SCCPDH: variants seen among roughly 807,000 people sequenced by gnomAD.
SCCPDH encodes the protein saccharopine dehydrogenase (putative).
SCCPDH carries 34 observed loss-of-function variants against 51.5 expected under a neutral mutation model. The observed-to-expected ratio is 0.66, with a 90% CI of 0.50 to 0.88. SCCPDH has a LOEUF of 0.88. SCCPDH is among the 40% of genes least tolerant of loss of function. The pLI is 0.00. For missense variants in SCCPDH, 464 were observed against 527.1 expected (o/e 0.88, Z 1.17); for synonymous variants, 187 against 191.3 (o/e 0.98, Z 0.19).
intron 1 of SCCPDH, 61 bp downstream of exon 1, chr1:246,724,673 C>A: frequency 7.3e-7 from 1 of 1,372,990 alleles, no homozygotes; most frequent in Non-Finnish European, 9.4e-7. Context: ...CCGCATCGCC[C>A]CAAACGAGCG....
chr1:246,753,867 A>T lies in SCCPDH; in HGVS notation c.565-4359A>T, dbSNP rs567035489. On this transcript the variant is annotated intron_variant, in intron 5 of 11. Coordinates refer to ENST00000366510, the MANE Select transcript of SCCPDH (RefSeq NM_016002.3). ...GTTCCCAGGAGGCAGGGTTATAAGG[A>T]GGGGGACAATGGGGATAGGAGAAGG... Among the ~76,000 whole-genome samples the T allele has an allele frequency of 4.6e-5, 7 of 152,030 alleles. No homozygotes were observed. The South Asian group carries it at 1.3e-3, about 27-fold the overall frequency.
chr1:246,751,951 TTG>T (rs1015128467), intron 5 of SCCPDH, among the ~76,000 whole-genome samples: 13 of 149,804 alleles, frequency 8.7e-5, no homozygotes, highest in African/African-American at 3.0e-4. Flanking sequence ...TTTTTTTTTT[TTG>T]TATTTTTTTA....
At chr1:246,744,019 C>A in intron 4 of SCCPDH, 57 bp from the exon 5 acceptor site, 1 of 1,031,244 alleles carries the variant, frequency 9.7e-7, no homozygotes, top group Non-Finnish European at 1.5e-6. Flanking sequence ...TATTACTTAC[C>A]CCAAATAATT....
At chr1:246,746,000 C>T (rs1424965827) in intron 5 of SCCPDH, among the ~76,000 whole-genome samples, 1 of 149,752 alleles carries the variant, frequency 6.7e-6, no homozygotes, top group Admixed American at 6.7e-5. Context: ...CCCAGCTACT[C>T]AGGAGGCTGA....
chr1:246,740,158 C>A lies in SCCPDH; in HGVS notation c.385-14C>A. 6.4e-7 allele frequency: 1 copy of A among 1,553,394 alleles called. No individual in the cohort carries two copies. Among genetic ancestry groups the A allele is most frequent in the Non-Finnish European group, 8.8e-7 (1 of 1,140,622 alleles). On this transcript the variant is annotated splice_polypyrimidine_tract_variant and intron_variant, in intron 3 of 11. Coordinates refer to ENST00000366510, the MANE Select transcript of SCCPDH (RefSeq NM_016002.3). ...CTGCATAACTAATTAAAATTCTTAT[C>A]CTGGATTTTTTAGTTTCTGGAACTA...
chr1:246,755,283 C>T (rs373264987), intron 5 of SCCPDH, among the ~76,000 whole-genome samples: 1 of 152,034 alleles, frequency 6.6e-6, no homozygotes, highest in African/African-American at 2.4e-5. Flanking sequence ...TGTTTTGTTT[C>T]GATGTGCATC....
chr1:246,747,713 A>C lies in SCCPDH; in HGVS notation c.564+3588A>C, dbSNP rs1297714747. ...TTTGGCTAGGGTTGGACTGCAGTCT[A>C]AGCTAATTCCGATTGGCTATTTTAA... On this transcript the variant is annotated intron_variant, in intron 5 of 11. Transcript: ENST00000366510. Among the ~76,000 whole-genome samples the C allele has an allele frequency of 2.0e-5, 3 of 149,896 alleles. No homozygotes were observed. In the Admixed American group the frequency reaches 2.0e-4, roughly 10 times the overall value.
chr1:246,730,914 G>T (rs752129659), intron 2 of SCCPDH, among the ~76,000 whole-genome samples: 119 of 152,126 alleles, frequency 7.8e-4, no homozygotes, highest in Non-Finnish European at 1.1e-3. Context: ...CAAAAAATTA[G>T]CTGGGCATGG....
chr1:246,758,287 A>C lies in SCCPDH; in HGVS notation c.626A>C (p.Asn209Thr), dbSNP rs1668960838. The C allele has an allele frequency of 1.2e-6, 2 of 1,611,096 alleles. No individual in the cohort carries two copies. The change falls in exon 6 of 12, where the codon AAT becomes ACT. Residue 209 changes from asparagine to threonine, a missense_variant. By Grantham distance (65) the Asn-to-Thr change is moderately conservative. Transcript: ENST00000366510. ...ATTTATGGTTTTGGAGATCAGAGTA[A>C]TTTGAGAAAACTAAGAAATGTATCA... ...SAIYGFGDQS[N>T]LRKLRNVSNL...
chr1:246,760,954 C>T (rs1365078279), intron 9 of SCCPDH, among the ~76,000 whole-genome samples: 1 of 152,172 alleles, frequency 6.6e-6, no homozygotes, highest in African/African-American at 2.4e-5. Flanking sequence ...TGTAAATTAT[C>T]CCAACTCCTA....
At position 246,724,656 on chromosome 1, in the gene SCCPDH, G is replaced by A. The variant is rs1668360026; in HGVS notation, c.190+44G>A. ...ACGGGGCTGCGCGGGCGGCTGGGCCGGGGACCCCGCATCGCCCCAAACGAG... is the reference window on the plus strand; with the variant it reads ...ACGGGGCTGCGCGGGCGGCTGGGCCAGGGACCCCGCATCGCCCCAAACGAG... On this transcript the variant is annotated intron_variant, in intron 1 of 11. Coordinates refer to ENST00000366510, the MANE Select transcript of SCCPDH (RefSeq NM_016002.3). 3 of 1,409,874 alleles carry A rather than the reference G, an allele frequency of 2.1e-6. No homozygotes were observed. The South Asian group carries it at 4.5e-5, about 21-fold the overall frequency. 87.3% of individuals were successfully genotyped at this position (1,409,874 alleles called of 1,614,324 possible).
At chr1:246,727,923 A>G (rs1668427112) in intron 2 of SCCPDH, among the ~76,000 whole-genome samples, 1 of 152,130 alleles carries the variant, frequency 6.6e-6, no homozygotes, top group Non-Finnish European at 1.5e-5. Flanking sequence ...GAGGCGTTGA[A>G]TGGTTGAAAG....
At position 246,724,442 on chromosome 1, in the gene SCCPDH, CT is replaced by C; in HGVS notation, c.23del (p.Phe8SerfsTer16). MATEQR[P>X]FHLVVFGASG... ...CTCGTCATGGCGACCGAGCAGAGGC[CT>C]TTCCACCTGGTGGTGTTCGGCGCGT... On this transcript the variant is annotated frameshift_variant, in exon 1 of 12. Coordinates refer to ENST00000366510, the MANE Select transcript of SCCPDH (RefSeq NM_016002.3). LOFTEE classifies it high-confidence loss of function. 6.3e-7 allele frequency: 1 copy of C among 1,584,752 alleles called. No homozygotes were observed. Among genetic ancestry groups the C allele is most frequent in the East Asian group, 2.4e-5 (1 of 41,796 alleles).
intron 5 of SCCPDH, among the ~76,000 whole-genome samples, chr1:246,744,343 A>G (rs1197732131): frequency 6.6e-6 from 1 of 151,396 alleles, no homozygotes; most frequent in East Asian, 1.9e-4. Context: ...TTTGAGATGG[A>G]GTTACGCTCT....
chr1:246,730,990 G>A (rs1189145970), intron 2 of SCCPDH, among the ~76,000 whole-genome samples: 1 of 152,192 alleles, frequency 6.6e-6, no homozygotes, highest in African/African-American at 2.4e-5. Flanking sequence ...AATCCGGGAG[G>A]CGGAGGTTAC....
At chr1:246,767,135 G>A (rs184131024) in intron 11 of SCCPDH, 60 bp from the exon 12 acceptor site, 21 of 1,208,800 alleles carry the variant, frequency 1.7e-5, no homozygotes, top group Non-Finnish European at 2.3e-5. Flanking sequence ...AGTGAGGCCT[G>A]TGAAATAGGA....
intron 5 of SCCPDH, among the ~76,000 whole-genome samples, 163 bp downstream of exon 5, chr1:246,744,288 C>T (rs377194367): frequency 1.3e-5 from 2 of 151,844 alleles, no homozygotes; most frequent in South Asian, 2.1e-4. Context: ...TTGAAATATA[C>T]TTTATTTTCT....
At chr1:246,758,646 G>A (rs1668966759) in intron 6 of SCCPDH, among the ~76,000 whole-genome samples, 2 of 152,174 alleles carry the variant, frequency 1.3e-5, no homozygotes, top group Admixed American at 1.3e-4. Context: ...TAGGAAATAA[G>A]TGAATCTTAT....
chr1:246,743,581 CAA>C (rs530930261), intron 4 of SCCPDH, among the ~76,000 whole-genome samples: 2 of 135,836 alleles, frequency 1.5e-5, no homozygotes. Context: ...GACTCTGTCT[CAA>C]AAAAAAAAAA....
Sources: gnomAD v4.1 joint callset for allele counts (sites outside exome capture counted in the v4.1 genomes callset) on GRCh38, gnomAD v4.1.1 for gene constraint, MANE v1.5 for transcripts, NCBI Gene and HGNC (gene_info 2026-07-23, HGNC 2026-07-21) for gene names.